GLB1L3: variants seen among roughly 807,000 people sequenced by gnomAD.
The protein encoded by GLB1L3 is beta-galactosidase-1-like protein 3.
In GLB1L3, 89 loss-of-function variants were observed where a neutral mutation model predicts 89.5. The ratio of observed to expected loss-of-function variants is 0.99; its 90% CI spans 0.84 to 1.19. The LOEUF (loss-of-function observed/expected upper bound fraction) is 1.19. Among genes scored for constraint, GLB1L3 ranks in the 50% most tolerant of loss-of-function variants. GLB1L3 has a pLI of 0.00. For synonymous variants in GLB1L3, 314 were observed against 312.3 expected (o/e 1.01, Z -0.06); for missense variants, 812 against 813.3 (o/e 1.00, Z 0.02).
chr11:134,289,258 A>C (rs1002071883), intron 7 of GLB1L3, among the ~76,000 whole-genome samples: 1 of 152,198 alleles, frequency 6.6e-6, no homozygotes, highest in Admixed American at 6.5e-5. Context: ...CTTCTCATTA[A>C]GCAGAAATGG....
At position 134,301,439 on chromosome 11, in the gene GLB1L3, C is replaced by CT. The variant is rs369915460; in HGVS notation, c.877-5683dup. Among the ~76,000 whole-genome samples the CT allele has an allele frequency of 3.6e-4, 55 of 152,236 alleles. 1 individual carries two copies. The highest frequency in any genetic ancestry group is 1.3e-3 in the African/African-American group (53 of 41,528). On this transcript the variant is annotated intron_variant, in intron 9 of 19. Coordinates refer to ENST00000431683, the MANE Select transcript of GLB1L3 (RefSeq NM_001080407.3). ...GGCATATAATTATGCACACTATCTT[C>CT]TTGTTTTTAATGGCCGTATCATTTG... is the stretch of plus-strand genomic sequence containing the variant.
intron 6 of GLB1L3, among the ~76,000 whole-genome samples, chr11:134,287,737 C>T (rs1226571109): frequency 6.6e-6 from 1 of 152,222 alleles, no homozygotes; most frequent in Non-Finnish European, 1.5e-5. Flanking sequence ...GGGGGGCAGG[C>T]GTGGCGCTGC....
chr11:134,320,147 T>C (rs575746947), downstream of GLB1L3, among the ~76,000 whole-genome samples: 53 of 152,300 alleles, frequency 3.5e-4, no homozygotes, highest in Admixed American at 9.2e-4. Context: ...ACCAATGCAC[T>C]ATAAGCAAAT....
At position 134,318,693 on chromosome 11, in the gene GLB1L3, G is replaced by T; in HGVS notation, c.1842G>T (p.Gly614=). The change falls in exon 19 of 20, where the codon GGG becomes GGT. Residue 614 remains glycine, a synonymous_variant. Transcript: ENST00000431683. ...GRNLGRYWNI[G]PQKTLYLPGV... is the part of the protein sequence containing the mutation. ...ACCTTGGGCGATATTGGAATATTGGGCCTCAGAAAACACTGTACCTTCCTG... is the reference window on the plus strand; with the variant it reads ...ACCTTGGGCGATATTGGAATATTGGTCCTCAGAAAACACTGTACCTTCCTG... The T allele has an allele frequency of 6.2e-7, 1 of 1,613,122 alleles. No individual in the cohort carries two copies. Among genetic ancestry groups the T allele is most frequent in the South Asian group, 1.1e-5 (1 of 90,830 alleles).
At chr11:134,282,288 G>A (rs900180632) in intron 5 of GLB1L3, among the ~76,000 whole-genome samples, 168 bp downstream of exon 5, 2 of 152,270 alleles carry the variant, frequency 1.3e-5, no homozygotes, top group East Asian at 1.9e-4. Flanking sequence ...GGAAGCCTGC[G>A]GTACTGCGGT....
intron 10 of GLB1L3, among the ~76,000 whole-genome samples, chr11:134,307,708 G>A (rs529461211): frequency 1.3e-5 from 2 of 152,300 alleles, no homozygotes; most frequent in Admixed American, 6.5e-5. Context: ...TGGAGCCAAA[G>A]AGATCAGGTT....
In GLB1L3 at chr11:134,318,681, T is replaced by C. The variant is rs1416929379; in HGVS notation, c.1830T>C (p.Tyr610=). 1.9e-6 allele frequency: 3 copies of C among 1,613,120 alleles called. No individual in the cohort carries two copies. The highest frequency in any genetic ancestry group is 1.3e-5 in the African/African-American group (1 of 74,928). ...TCAATGGACGTAACCTTGGGCGATATTGGAATATTGGGCCTCAGAAAACAC... is the reference window on the plus strand; with the variant it reads ...TCAATGGACGTAACCTTGGGCGATACTGGAATATTGGGCCTCAGAAAACAC... ...VFINGRNLGR[Y]WNIGPQKTLY... The change falls in exon 19 of 20, where the codon TAT becomes TAC. Residue 610 remains tyrosine, a synonymous_variant. Coordinates refer to ENST00000431683, the MANE Select transcript of GLB1L3 (RefSeq NM_001080407.3).
intron 11 of GLB1L3, chr11:134,310,121 G>A: frequency 2.5e-6 from 1 of 396,392 alleles, no homozygotes; most frequent in Admixed American, 3.7e-5. Flanking sequence ...CGTTGAAGGG[G>A]TGTCCACTCT....
chr11:134,286,691 G>T (rs1029035096), intron 6 of GLB1L3, among the ~76,000 whole-genome samples: 1 of 151,374 alleles, frequency 6.6e-6, no homozygotes, highest in African/African-American at 2.4e-5. Context: ...GCAGGAGAAT[G>T]ACGTGAACCC....
At chr11:134,320,701 G>C (rs897993124), downstream of GLB1L3, among the ~76,000 whole-genome samples, 1 of 147,608 alleles carries the variant, frequency 6.8e-6, no homozygotes, top group Admixed American at 6.8e-5. Flanking sequence ...TCACAACTTA[G>C]AATTCTTTAC....
At chr11:134,305,528 G>A (rs1043895078) in intron 9 of GLB1L3, among the ~76,000 whole-genome samples, 1 of 152,070 alleles carries the variant, frequency 6.6e-6, no homozygotes, top group South Asian at 2.1e-4. Flanking sequence ...TTTTGATTTG[G>A]AAGATTTCCA....
intron 8 of GLB1L3, chr11:134,292,938 C>T (rs887638993): frequency 1.6e-6 from 1 of 619,216 alleles, no homozygotes; most frequent in East Asian, 2.8e-5. Context: ...TTAATTTCAA[C>T]AGTGGGTGTC....
At chr11:134,317,126 G>A (rs1943019556) in intron 18 of GLB1L3, 2 of 152,166 alleles carry the variant, frequency 1.3e-5, no homozygotes, top group East Asian at 3.8e-4. Flanking sequence ...TCTTGGTACT[G>A]TTTAAGTTCC....
intron 13 of GLB1L3, chr11:134,312,040 A>T (rs963272759): frequency 2.5e-5 from 6 of 241,232 alleles, no homozygotes; most frequent in African/African-American, 4.5e-5. Context: ...CAAGTGATGC[A>T]CCTGCTGCGG....
chr11:134,308,188 CAT>C (rs1942309661), intron 10 of GLB1L3, among the ~76,000 whole-genome samples: 1 of 116,800 alleles, frequency 8.6e-6, no homozygotes, highest in African/African-American at 4.1e-5. Flanking sequence ...CCATCACCAT[CAT>C]CACCATCACC....
chr11:134,320,371 TA>T (rs1199373918), downstream of GLB1L3, among the ~76,000 whole-genome samples: 7 of 152,186 alleles, frequency 4.6e-5, no homozygotes, highest in Non-Finnish European at 1.0e-4. Flanking sequence ...TCTGGGGATC[TA>T]GCCTCAAACC....
downstream of GLB1L3, among the ~76,000 whole-genome samples, chr11:134,320,448 G>A (rs1943151364): frequency 1.3e-5 from 2 of 152,106 alleles, 1 homozygote; most frequent in South Asian, 4.1e-4. Flanking sequence ...ATGATCTTGA[G>A]TACATATTAT....
At chr11:134,321,318 A>G (rs1943164824), downstream of GLB1L3, among the ~76,000 whole-genome samples, 1 of 152,182 alleles carries the variant, frequency 6.6e-6, no homozygotes, top group African/African-American at 2.4e-5. Flanking sequence ...TAGAGCTTTT[A>G]ACTTTCTAAA....
At chr11:134,295,617 C>T (rs561392937) in intron 9 of GLB1L3, among the ~76,000 whole-genome samples, 13 of 152,206 alleles carry the variant, frequency 8.5e-5, no homozygotes, top group Admixed American at 7.2e-4. Context: ...CCTTGGTTTC[C>T]GCTTTGAACT....
Sources: gnomAD v4.1 joint callset for allele counts (sites outside exome capture counted in the v4.1 genomes callset) on GRCh38, gnomAD v4.1.1 for gene constraint, MANE v1.5 for transcripts, NCBI Gene and HGNC (gene_info 2026-07-23, HGNC 2026-07-21) for gene names.